SYT14: variants seen among roughly 807,000 people sequenced by gnomAD.
The protein encoded by SYT14 is synaptotagmin 14.
Under a neutral mutation model 74.2 loss-of-function variants are expected in SYT14, and 32 were observed. That is an observed-to-expected ratio of 0.43 (90% CI 0.33 to 0.58). SYT14 has a LOEUF of 0.58. SYT14 is among the 20% of genes least tolerant of loss of function. SYT14 has a pLI of 0.05. For synonymous variants in SYT14, 298 were observed against 337.7 expected, an observed-to-expected ratio of 0.88 and a Z score of 1.29; for missense variants, 791 against 981.8, an observed-to-expected ratio of 0.81 and a Z score of 2.60.
Position 210,080,558 on chromosome 1 carries a change from A to G in SYT14, c.1313-13764A>G, listed in dbSNP as rs577487182. ...CTGCCCTGCCAGTCATGGTTGGGTC[A>G]CATTGAATACCTCTGCAACAATTAT... is the stretch of plus-strand genomic sequence containing the variant. On this transcript the variant is annotated intron_variant, in intron 5 of 9. Coordinates refer to ENST00000637265, the Ensembl canonical transcript of SYT14. Among the ~76,000 whole-genome samples, 21 of 152,316 alleles carry G rather than the reference A, an allele frequency of 1.4e-4. No homozygotes were observed. The South Asian group carries it at 4.3e-3, about 32-fold the overall frequency.
intron 5 of SYT14, among the ~76,000 whole-genome samples, chr1:210,026,811 T>C (rs1010989553): frequency 1.6e-4 from 25 of 152,116 alleles, no homozygotes; most frequent in African/African-American, 5.5e-4. Flanking sequence ...TGTTTATATT[T>C]CCTTTAAGTC....
chr1:209,939,689 A>G (rs2078698917), intron 1 of SYT14, among the ~76,000 whole-genome samples: 1 of 152,218 alleles, frequency 6.6e-6, no homozygotes, highest in Non-Finnish European at 1.5e-5. Flanking sequence ...TATTTTCCCA[A>G]CTAGTTTGTG....
At chr1:210,068,019 TTC>T (rs985045996) in intron 5 of SYT14, among the ~76,000 whole-genome samples, 2 of 151,996 alleles carry the variant, frequency 1.3e-5, no homozygotes, top group African/African-American at 4.8e-5. Context: ...TGCCTCTTGT[TTC>T]TGTTTTAAAG....
intron 2 of SYT14, among the ~76,000 whole-genome samples, chr1:210,006,871 C>A (rs1558124501): frequency 1.3e-5 from 2 of 151,008 alleles, no homozygotes. Flanking sequence ...GATAAATATC[C>A]CCCATATATT....
At chr1:210,149,484 G>A (rs952167689) in intron 7 of SYT14, among the ~76,000 whole-genome samples, 5 of 151,792 alleles carry the variant, frequency 3.3e-5, no homozygotes, top group African/African-American at 1.2e-4. Context: ...TGCACACGGC[G>A]GATCATAGCA....
At chr1:209,941,713 G>A (rs894795758) in intron 1 of SYT14, among the ~76,000 whole-genome samples, 5 of 152,082 alleles carry the variant, frequency 3.3e-5, no homozygotes, top group African/African-American at 9.7e-5. Context: ...TCTCCTGTCC[G>A]ACTGTAAATT....
At chr1:210,094,263 G>A (rs2081928930) in intron 5 of SYT14, 59 bp from the exon 5 acceptor site, 1 of 1,608,902 alleles carries the variant, frequency 6.2e-7, no homozygotes, top group Non-Finnish European at 8.5e-7. Flanking sequence ...AATTATTGTA[G>A]ACTATACTGT....
At chr1:210,156,120 A>C (rs2083262943) in intron 8 of SYT14, among the ~76,000 whole-genome samples, 1 of 152,188 alleles carries the variant, frequency 6.6e-6, no homozygotes, top group Non-Finnish European at 1.5e-5. Context: ...GACAACTTTT[A>C]ATTTTTCATA....
At chr1:209,954,675 C>T (rs1022140649) in intron 2 of SYT14, among the ~76,000 whole-genome samples, 1 of 151,476 alleles carries the variant, frequency 6.6e-6, no homozygotes, top group Admixed American at 6.6e-5. Context: ...GAAATGACAT[C>T]TCTGACATCA....
intron 2 of SYT14, among the ~76,000 whole-genome samples, chr1:209,956,444 A>G (rs1020457815): frequency 2.0e-5 from 3 of 152,046 alleles, no homozygotes; most frequent in African/African-American, 4.8e-5. Flanking sequence ...GGAGGTTACT[A>G]TGTTCATCTT....
intron 5 of SYT14, among the ~76,000 whole-genome samples, chr1:210,080,183 T>A (rs1224114933): frequency 6.6e-6 from 1 of 152,220 alleles, no homozygotes; most frequent in Admixed American, 6.5e-5. Context: ...ATCTACTCTG[T>A]ATATTTTAAA....
chr1:210,124,653 TAAAG>T (rs1178289451), intron 7 of SYT14, among the ~76,000 whole-genome samples: 7 of 152,194 alleles, frequency 4.6e-5, no homozygotes, highest in Admixed American at 6.5e-5. Context: ...TTCAAAATGG[TAAAG>T]AAACTTGATT....
intron 7 of SYT14, among the ~76,000 whole-genome samples, chr1:210,146,682 T>C (rs551519926): frequency 3.5e-4 from 53 of 151,758 alleles, no homozygotes; most frequent in South Asian, 2.1e-3. Flanking sequence ...ACATATATAC[T>C]ATATGTAGTA....
intron 2 of SYT14, among the ~76,000 whole-genome samples, chr1:209,960,600 G>A (rs1043842351): frequency 6.6e-6 from 1 of 152,012 alleles, no homozygotes. Context: ...TTGTCTTGAA[G>A]CTAGGTTGGC....
intron 2 of SYT14, among the ~76,000 whole-genome samples, chr1:210,012,280 T>A (rs1430354470): frequency 6.6e-6 from 1 of 152,238 alleles, no homozygotes; most frequent in Non-Finnish European, 1.5e-5. Flanking sequence ...TAGCCTTTCT[T>A]ACACTATATT....
chr1:210,026,092 T>C (rs1193663594), intron 5 of SYT14, among the ~76,000 whole-genome samples: 2 of 152,016 alleles, frequency 1.3e-5, no homozygotes, highest in Non-Finnish European at 2.9e-5. Flanking sequence ...ATTAATCTTC[T>C]GGGTTTTTTT....
At chr1:209,959,020 T>C (rs2079034895) in intron 2 of SYT14, among the ~76,000 whole-genome samples, 2 of 152,020 alleles carry the variant, frequency 1.3e-5, no homozygotes, top group Admixed American at 6.5e-5. Flanking sequence ...TAAAAAAAAA[T>C]AGAGTTACCA....
intron 2 of SYT14, among the ~76,000 whole-genome samples, chr1:209,991,365 A>G (rs968291251): frequency 6.6e-6 from 1 of 152,182 alleles, no homozygotes; most frequent in African/African-American, 2.4e-5. Context: ...GGGGGAAAAT[A>G]CTAGCCAACT....
At chr1:210,069,722 C>T (rs1298086092) in intron 5 of SYT14, among the ~76,000 whole-genome samples, 6 of 151,732 alleles carry the variant, frequency 4.0e-5, no homozygotes, top group African/African-American at 1.5e-4. Flanking sequence ...TATCGCAGTA[C>T]TTTTTATAAT....
Sources: allele counts gnomAD v4.1 joint callset (sites outside exome capture counted in the v4.1 genomes callset), GRCh38; gene constraint gnomAD v4.1.1; transcripts MANE v1.5; gene names NCBI Gene and HGNC (gene_info 2026-07-23, HGNC 2026-07-21).